Variants in STXBP6 observed in about 807,000 individuals in gnomAD.
STXBP6 encodes the protein syntaxin-binding protein 6.
STXBP6 carries 21 observed loss-of-function variants against 26.9 expected under a neutral mutation model. The observed-to-expected ratio is 0.78, with a 90% CI of 0.55 to 1.12. The LOEUF (loss-of-function observed/expected upper bound fraction) is 1.12, where lower values mean the gene tolerates loss of function less well. STXBP6 is among the 50% of genes most tolerant of loss of function. The pLI is 0.00. For synonymous variants in STXBP6, 97 were observed against 92.6 expected, an observed-to-expected ratio of 1.05 and a Z score of -0.27; for missense variants, 232 against 257.9, an observed-to-expected ratio of 0.90 and a Z score of 0.69.
chr14:25,008,622 T>C (rs772501750), intron 1 of STXBP6, among the ~76,000 whole-genome samples: 14 of 152,234 alleles, frequency 9.2e-5, no homozygotes, highest in African/African-American at 3.4e-4. Context: ...ACTTGGTGTA[T>C]GGAGAACAGC....
intron 2 of STXBP6, among the ~76,000 whole-genome samples, chr14:24,865,987 G>T (rs2069704057): frequency 1.3e-5 from 2 of 152,100 alleles, no homozygotes; most frequent in African/African-American, 4.8e-5. Flanking sequence ...AAGAGTCACA[G>T]TTGTAATGGA....
At chr14:24,884,119 C>G (rs750488941) in intron 2 of STXBP6, among the ~76,000 whole-genome samples, 1 of 151,902 alleles carries the variant, frequency 6.6e-6, no homozygotes, top group Non-Finnish European at 1.5e-5. Context: ...ATTCAGAAGA[C>G]AAAGAAAAAG....
chr14:24,850,833 G>A (rs1375322818), intron 4 of STXBP6, among the ~76,000 whole-genome samples: 8 of 152,270 alleles, frequency 5.3e-5, no homozygotes, highest in African/African-American at 1.9e-4. Context: ...AACTGAATGA[G>A]TTAGCTAGGG....
chr14:24,920,150 A>G (rs1283784701), intron 2 of STXBP6, among the ~76,000 whole-genome samples: 3 of 152,076 alleles, frequency 2.0e-5, no homozygotes, highest in African/African-American at 7.2e-5. Context: ...GAAACTCACC[A>G]GTGTACTTGC....
chr14:24,994,649 A>G (rs186585965), intron 1 of STXBP6, among the ~76,000 whole-genome samples: 115 of 152,204 alleles, frequency 7.6e-4, no homozygotes, highest in African/African-American at 2.2e-3. Context: ...TAGTTGCCCA[A>G]TACTCCCCCA....
Position 24,974,721 on chromosome 14 carries a change from A to G in STXBP6, c.98T>C (p.Ile33Thr). ...TTGACCTCCAGTTGCCAAGAAAGGA[A>G]TCTTTTTCTTTGTCCTCCTCTTGAC... Reference protein sequence around the residue: ...VQVKRRTKKKIPFLATGGQGE... With the variant: ...VQVKRRTKKKTPFLATGGQGE... The change falls in exon 2 of 6, where the codon ATT becomes ACT. Residue 33 changes from isoleucine (I) to threonine (T), a missense_variant. Transcript: ENST00000323944. 1.3e-6 allele frequency: 2 copies of G among 1,581,524 alleles called. No individual in the cohort carries two copies. Among genetic ancestry groups the G allele is most frequent in the South Asian group, 1.2e-5 (1 of 86,654 alleles).
chr14:24,887,879 G>A (rs1327676100), intron 2 of STXBP6, among the ~76,000 whole-genome samples: 2 of 152,222 alleles, frequency 1.3e-5, no homozygotes, highest in African/African-American at 4.8e-5. Flanking sequence ...CCTACTAGCA[G>A]TGAGGGAAGG....
chr14:24,811,062 C>A lies in STXBP6; in HGVS notation c.*1647G>T, dbSNP rs912607388. On this transcript the variant is annotated 3_prime_UTR_variant, in exon 6 of 6. Transcript: ENST00000323944. ...AGAAAGTATAAAATATTATAGTTAA[C>A]TTATACAGTTTATTAAATTTTATAG... The A allele has an allele frequency of 2.0e-5, 3 of 152,068 alleles. No homozygotes were observed. The highest frequency in any genetic ancestry group is 2.0e-4 in the Admixed American group (3 of 15,266). 9.4% of individuals were successfully genotyped at this position (152,068 alleles called of 1,614,324 possible). A position where few individuals can be genotyped will look rare whatever the true frequency, so the allele number is the denominator to read the frequency against.
chr14:24,995,997 T>A (rs185243450), intron 1 of STXBP6, among the ~76,000 whole-genome samples: 1 of 152,316 alleles, frequency 6.6e-6, no homozygotes, highest in East Asian at 1.9e-4. Flanking sequence ...AAAATCTTTA[T>A]GTTGATCTAT....
chr14:24,988,996 C>T (rs1010023178), intron 1 of STXBP6, among the ~76,000 whole-genome samples: 11 of 152,148 alleles, frequency 7.2e-5, no homozygotes, highest in South Asian at 4.1e-4. Flanking sequence ...AGGTTACAAA[C>T]GGAAAGTTTT....
At chr14:24,853,789 A>G (rs1428035065) in intron 4 of STXBP6, among the ~76,000 whole-genome samples, 2 of 152,070 alleles carry the variant, frequency 1.3e-5, no homozygotes, top group Admixed American at 6.6e-5. Context: ...AACACTGGAC[A>G]TATGTGTTCC....
intron 2 of STXBP6, among the ~76,000 whole-genome samples, chr14:24,958,552 G>T (rs2073417610): frequency 6.6e-6 from 1 of 152,120 alleles, no homozygotes. Flanking sequence ...CAAGATTCCT[G>T]GCATATCACA....
At chr14:25,040,831 G>A (rs2075631112) in intron 1 of STXBP6, among the ~76,000 whole-genome samples, 1 of 152,134 alleles carries the variant, frequency 6.6e-6, no homozygotes, top group Non-Finnish European at 1.5e-5. Flanking sequence ...CCCTAAAGCC[G>A]ATGTCTTCAT....
intron 2 of STXBP6, among the ~76,000 whole-genome samples, chr14:24,891,439 A>G (rs551327390): frequency 6.6e-6 from 1 of 152,318 alleles, no homozygotes; most frequent in African/African-American, 2.4e-5. Context: ...TTATTAAGAC[A>G]TTAGTAAATA....
intron 1 of STXBP6, among the ~76,000 whole-genome samples, chr14:24,982,109 A>C (rs1203643471): frequency 1.3e-5 from 2 of 152,214 alleles, no homozygotes; most frequent in Non-Finnish European, 2.9e-5. Flanking sequence ...TTCGTACTCC[A>C]CTAAAATCTC....
chr14:24,889,498 T>C (rs1231657138), intron 2 of STXBP6, among the ~76,000 whole-genome samples: 1 of 149,860 alleles, frequency 6.7e-6, no homozygotes, highest in Non-Finnish European at 1.5e-5. Flanking sequence ...CACACCAACA[T>C]GGCACATGTA....
intron 2 of STXBP6, among the ~76,000 whole-genome samples, chr14:24,914,457 T>TA (rs1291280966): frequency 6.6e-6 from 1 of 152,208 alleles, no homozygotes; most frequent in Non-Finnish European, 1.5e-5. Flanking sequence ...TGCCCTTAAT[T>TA]AGTCAAAGGA....
intron 1 of STXBP6, among the ~76,000 whole-genome samples, chr14:24,976,698 A>G (rs1434592061): frequency 1.3e-5 from 2 of 152,146 alleles, no homozygotes; most frequent in Non-Finnish European, 2.9e-5. Context: ...TTTTAAAGAA[A>G]GAAACACATA....
chr14:24,821,364 T>C (rs908915396), intron 4 of STXBP6, among the ~76,000 whole-genome samples: 8 of 152,226 alleles, frequency 5.3e-5, no homozygotes, highest in Admixed American at 3.9e-4. Flanking sequence ...ATGAACCTAC[T>C]ACACATAAGC....
Sources: gnomAD v4.1 joint callset for allele counts (sites outside exome capture counted in the v4.1 genomes callset) on GRCh38, gnomAD v4.1.1 for gene constraint, MANE v1.5 for transcripts, NCBI Gene and HGNC (gene_info 2026-07-23, HGNC 2026-07-21) for gene names.